The following SLC38A7 variants were observed in gnomAD, a reference collection of about 807,000 sequenced individuals.
The protein encoded by SLC38A7 is sodium-coupled neutral amino acid transporter 7.
In SLC38A7, 29 loss-of-function variants were observed where a neutral mutation model predicts 50.1. That is an observed-to-expected ratio of 0.58 (90% CI 0.43 to 0.79). SLC38A7 has a LOEUF of 0.79. Among genes scored for constraint, SLC38A7 ranks in the 30% least tolerant of loss-of-function variants. SLC38A7 has a pLI of 0.00. For synonymous variants in SLC38A7, 244 were observed against 245.9 expected, an observed-to-expected ratio of 0.99 and a Z score of 0.07; for missense variants, 483 against 610.6, an observed-to-expected ratio of 0.79 and a Z score of 2.20.
chr16:58,675,993 C>T lies in SLC38A7; in HGVS notation c.830G>A (p.Gly277Asp). The T allele has an allele frequency of 6.2e-7, 1 of 1,613,782 alleles. No homozygotes were observed. Among genetic ancestry groups the T allele is most frequent in the Non-Finnish European group, 8.5e-7 (1 of 1,179,916 alleles). Residue 277 changes from glycine to aspartate, a missense_variant, in exon 8 of 12, where the codon GGT becomes GAT. Transcript: ENST00000219320. ...SMQQPEVKTWGGVVTAAMVIA... is the reference protein window; with the variant it reads ...SMQQPEVKTWDGVVTAAMVIA... ...GACCATGGCAGCTGTCACCACTCCA[C>T]CCCAGGTCTTCACTTCAGGCTGCTG...
intron 11 of SLC38A7, among the ~76,000 whole-genome samples, chr16:58,669,245 A>G (rs2044111343): frequency 6.7e-6 from 1 of 149,032 alleles, no homozygotes; most frequent in African/African-American, 2.5e-5. Context: ...TCTCCCAAGT[A>G]GCTGGGATTA....
rs1403699622 is a variant in SLC38A7, at chr16:58,667,092, C to T, written c.*293G>A. Reference sequence around the variant, plus strand: ...TTATGAGATCTACCGACTCTCTTCACCCGTGGATTCCAGGCATGGAGAAGT... The same window carrying T: ...TTATGAGATCTACCGACTCTCTTCATCCGTGGATTCCAGGCATGGAGAAGT... On this transcript the variant is annotated 3_prime_UTR_variant, in exon 12 of 12. Transcript: ENST00000219320. 4 of 500,942 alleles carry T rather than the reference C, an allele frequency of 8.0e-6. No homozygotes were observed. Among genetic ancestry groups the T allele is most frequent in the Non-Finnish European group, 1.4e-5 (4 of 282,222 alleles). 31.0% of individuals were successfully genotyped at this position (500,942 alleles called of 1,614,324 possible). A position where few individuals can be genotyped will look rare whatever the true frequency, so the allele number is the denominator to read the frequency against.
At chr16:58,672,868 G>A (rs2044184901) in intron 8 of SLC38A7, among the ~76,000 whole-genome samples, 3 of 151,878 alleles carry the variant, frequency 2.0e-5, no homozygotes, top group Admixed American at 6.6e-5. Flanking sequence ...TTGAACTCCT[G>A]GGCTCAAGTA....
At chr16:58,682,796 T>A (rs1036589471) in intron 2 of SLC38A7, among the ~76,000 whole-genome samples, 9 of 152,066 alleles carry the variant, frequency 5.9e-5, no homozygotes, top group African/African-American at 2.2e-4. Flanking sequence ...CATGCCTGGC[T>A]AATTTTTGTA....
rs2044132093 is a variant in SLC38A7, at chr16:58,670,141, A to G, written c.1258T>C (p.Ser420Pro). The G allele has an allele frequency of 6.2e-7, 1 of 1,614,092 alleles. No individual in the cohort carries two copies. The highest frequency in any genetic ancestry group is 1.7e-5 in the Admixed American group (1 of 60,028). The change falls in exon 11 of 12, where the codon TCT becomes CCT. Residue 420 changes from serine (S) to proline (P), a missense_variant. By Grantham distance (74) the Ser-to-Pro change is moderately conservative. Transcript: ENST00000219320. ...GCTGGTTTGACCTCTTCCATCTCAGAGAGTTTGGCTTGAATGAGGCACAGC... is the reference window on the plus strand; with the variant it reads ...GCTGGTTTGACCTCTTCCATCTCAGGGAGTTTGGCTTGAATGAGGCACAGC... ...PGLCLIQAKL[S>P]EMEEVKPASW... is the part of the protein sequence containing the mutation.
At chr16:58,677,445 A>G in intron 5 of SLC38A7, 21 bp from the exon 6 acceptor site, 1 of 1,609,148 alleles carries the variant, frequency 6.2e-7, no homozygotes, top group South Asian at 1.1e-5. Context: ...GGAGAGACTA[A>G]GTGTCCTCAT....
intron 11 of SLC38A7, among the ~76,000 whole-genome samples, chr16:58,668,959 G>A (rs190120221): frequency 1.1e-4 from 17 of 151,502 alleles, no homozygotes; most frequent in South Asian, 4.2e-4. Context: ...TAGTAAAGAC[G>A]GGGTTTTGCC....
chr16:58,680,599 C>T (rs7198514), intron 2 of SLC38A7, among the ~76,000 whole-genome samples: 33,527 of 152,122 alleles, frequency 0.22, 4,089 homozygotes, highest in African/African-American at 0.33. Context: ...GAGATCCCAT[C>T]ACTGACCCAG....
In SLC38A7 at chr16:58,667,087, C is replaced by A; in HGVS notation, c.*298G>T. On this transcript the variant is annotated 3_prime_UTR_variant, in exon 12 of 12. Coordinates refer to ENST00000219320, the MANE Select transcript of SLC38A7 (RefSeq NM_018231.3). ...CTTTCTTATGAGATCTACCGACTCT[C>A]TTCACCCGTGGATTCCAGGCATGGA... The A allele has an allele frequency of 2.0e-6, 1 of 496,536 alleles. No homozygotes were observed. The highest frequency in any genetic ancestry group is 3.6e-6 in the Non-Finnish European group (1 of 279,650). 30.8% of individuals were successfully genotyped at this position (496,536 alleles called of 1,614,324 possible).
At chr16:58,668,367 G>C (rs2044085070) in intron 11 of SLC38A7, among the ~76,000 whole-genome samples, 1 of 152,194 alleles carries the variant, frequency 6.6e-6, no homozygotes, top group Non-Finnish European at 1.5e-5. Flanking sequence ...CTGAGGTCAG[G>C]AGTTCGAGAT....
rs902898576 is a variant in SLC38A7, at chr16:58,678,029, G to A, written c.611+304C>T. Among the ~76,000 whole-genome samples the A allele has an allele frequency of 1.3e-5, 2 of 152,030 alleles. No homozygotes were observed. Among genetic ancestry groups the A allele is most frequent in the Non-Finnish European group, 1.5e-5 (1 of 68,018 alleles). The stretch of plus-strand genomic sequence containing the variant: ...CCAAATTCCTCCCAGGGAATGCCAG[G>A]AGGCTGCCTTCACCGCCCAGATACC... On this transcript the variant is annotated intron_variant, in intron 5 of 11. Transcript: ENST00000219320. This position sits in a 1 kb window ranked among gnomAD's most constrained non-coding sequence, Gnocchi z 4.0.
chr16:58,668,713 CAAAAAAAAAA>C, intron 11 of SLC38A7, among the ~76,000 whole-genome samples: 1 of 33,816 alleles, frequency 3.0e-5, no homozygotes, highest in African/African-American at 1.0e-4. Context: ...AACTCCATCT[CAAAAAAAAAA>C]AAAAAAAAAA....
At position 58,678,040 on chromosome 16, in the gene SLC38A7, C is replaced by T. The variant is rs536850004; in HGVS notation, c.611+293G>A. On this transcript the variant is annotated intron_variant, in intron 5 of 11. Transcript: ENST00000219320. This position sits in a 1 kb window ranked among gnomAD's most constrained non-coding sequence, Gnocchi z 4.0. ...CCAGGGAATGCCAGGAGGCTGCCTT[C>T]ACCGCCCAGATACCACCTGTTCCTT... Among the ~76,000 whole-genome samples the T allele has an allele frequency of 1.1e-4, 17 of 152,286 alleles. No individual in the cohort carries two copies. The highest frequency in any genetic ancestry group is 4.1e-4 in the African/African-American group (17 of 41,550).
rs1293377022 is a variant in SLC38A7 at position 58,666,161 on chromosome 16, G to A, written c.*1224C>T. ...GCTCATTGCAGTCTCTGCCTCCTGG[G>A]TTTAAGCGGCTCTGCTGCCTCAGCC... On this transcript the variant is annotated 3_prime_UTR_variant, in exon 12 of 12. Coordinates refer to ENST00000219320, the MANE Select transcript of SLC38A7 (RefSeq NM_018231.3). 2 of 152,348 alleles carry A rather than the reference G, an allele frequency of 1.3e-5. No homozygotes were observed. The highest frequency in any genetic ancestry group is 2.9e-5 in the Non-Finnish European group (2 of 68,152). 9.4% of individuals were successfully genotyped at this position (152,348 alleles called of 1,614,324 possible).
chr16:58,667,023 T>C lies in SLC38A7; in HGVS notation c.*362A>G, dbSNP rs1373054242. On this transcript the variant is annotated 3_prime_UTR_variant, in exon 12 of 12. Transcript: ENST00000219320. ...TGCTCTGTGGAGGATGGTGGCCTTC[T>C]GTCCATAGTCATTCTCCAGAGGGAA... The C allele has an allele frequency of 6.2e-6, 2 of 323,808 alleles. No individual in the cohort carries two copies. Among genetic ancestry groups the C allele is most frequent in the African/African-American group, 4.2e-5 (2 of 47,478 alleles). 20.1% of individuals were successfully genotyped at this position (323,808 alleles called of 1,614,324 possible).
At chr16:58,683,034 C>G (rs578220769) in intron 2 of SLC38A7, among the ~76,000 whole-genome samples, 1 of 151,266 alleles carries the variant, frequency 6.6e-6, no homozygotes, top group East Asian at 1.9e-4. Context: ...AAGCCCCCCA[C>G]GCCTGTCATG....
chr16:58,674,217 T>C (rs546150995), intron 8 of SLC38A7, among the ~76,000 whole-genome samples: 2 of 152,168 alleles, frequency 1.3e-5, no homozygotes, highest in Admixed American at 6.5e-5. Flanking sequence ...GGTTCTCCCA[T>C]CTCAGCTTTT....
intron 11 of SLC38A7, among the ~76,000 whole-genome samples, chr16:58,668,865 G>A (rs924073142): frequency 2.8e-4 from 40 of 143,524 alleles, no homozygotes; most frequent in Non-Finnish European, 3.1e-5. Flanking sequence ...CTCCGCCTCC[G>A]GGGTTCAAGC....
Position 58,676,958 on chromosome 16 carries a change from C to A in SLC38A7, c.710+368G>T, listed in dbSNP as rs180980754. Among the ~76,000 whole-genome samples, 90 of 152,044 alleles carry A rather than the reference C, an allele frequency of 5.9e-4. No homozygotes were observed. The East Asian group carries it at 0.01, about 17-fold the overall frequency. ...CGTGAGCCATTGTGCCTGGCCCCCC[C>A]CCTTTTTTTTTAATAATAAATTCAC... On this transcript the variant is annotated intron_variant, in intron 6 of 11. Transcript: ENST00000219320.
Sources: allele counts gnomAD v4.1 joint callset (sites outside exome capture counted in the v4.1 genomes callset), GRCh38; gene constraint gnomAD v4.1.1; non-coding constraint Gnocchi (gnomAD v3.1); transcripts MANE v1.5; gene names NCBI Gene and HGNC (gene_info 2026-07-23, HGNC 2026-07-21).